AACS: variants seen among roughly 807,000 people sequenced by gnomAD.
AACS encodes the protein acetoacetate-CoA ligase.
Under a neutral mutation model 83.1 loss-of-function variants are expected in AACS, and 69 were observed. The ratio of observed to expected loss-of-function variants is 0.83; its 90% CI spans 0.68 to 1.01. AACS has a LOEUF of 1.01. Ranked by LOEUF, AACS falls within the 50% of genes least tolerant of loss-of-function variation. AACS has a pLI of 0.00. For missense variants in AACS, 866 were observed against 882.2 expected (o/e 0.98, Z 0.23); for synonymous variants, 333 against 343.4 (o/e 0.97, Z 0.33).
At chr12:125,078,822 A>G (rs1224059745) in intron 3 of AACS, among the ~76,000 whole-genome samples, 1 of 44,384 alleles carries the variant, frequency 2.3e-5, no homozygotes, top group African/African-American at 5.2e-5. Context: ...CTCCGTCTCA[A>G]AAAAAAAAAA....
At chr12:125,077,403 A>G (rs960838400) in intron 3 of AACS, among the ~76,000 whole-genome samples, 10 of 151,364 alleles carry the variant, frequency 6.6e-5, no homozygotes, top group Non-Finnish European at 1.5e-4. Flanking sequence ...CCAGCTACTC[A>G]GGAGGCTGAG....
At chr12:125,092,063 G>A (rs770192348) in intron 5 of AACS, among the ~76,000 whole-genome samples, 6 of 152,188 alleles carry the variant, frequency 3.9e-5, no homozygotes, top group Admixed American at 1.3e-4. Flanking sequence ...AGGCAGGGCC[G>A]GAAGCATGTG....
In AACS at chr12:125,142,881, A is replaced by C. The variant is rs1339699741; in HGVS notation, c.*652A>C. On this transcript the variant is annotated 3_prime_UTR_variant, in exon 18 of 18. Coordinates refer to ENST00000316519, the MANE Select transcript of AACS (RefSeq NM_023928.5). ...AGTGGATTTCATACAGGATCTCTTTATTGCACAGACTGAATGGCTTTACAT... is the reference window on the plus strand; with the variant it reads ...AGTGGATTTCATACAGGATCTCTTTCTTGCACAGACTGAATGGCTTTACAT... 6.6e-6 allele frequency: 1 copy of C among 152,472 alleles called. No homozygotes were observed. Among genetic ancestry groups the C allele is most frequent in the Non-Finnish European group, 1.5e-5 (1 of 68,258 alleles). 9.4% of individuals were successfully genotyped at this position (152,472 alleles called of 1,614,324 possible).
intron 10 of AACS, chr12:125,123,775 C>T (rs561335420): frequency 1.3e-5 from 2 of 152,360 alleles, no homozygotes; most frequent in South Asian, 4.1e-4. Flanking sequence ...AAGAGAATAA[C>T]GTTCTTTAGT....
chr12:125,073,164 G>A (rs572373192), intron 1 of AACS, among the ~76,000 whole-genome samples: 31 of 152,148 alleles, frequency 2.0e-4, no homozygotes, highest in Non-Finnish European at 2.5e-4. Flanking sequence ...TCCTGACCTG[G>A]TGATCCACCT....
chr12:125,138,411 CA>C (rs1397265628), intron 17 of AACS: 4 of 152,212 alleles, frequency 2.6e-5, no homozygotes, highest in African/African-American at 9.7e-5. Flanking sequence ...CTTCTTGAAT[CA>C]GTGACCCTTA....
intron 14 of AACS, among the ~76,000 whole-genome samples, chr12:125,133,025 C>T (rs894575415): frequency 2.6e-5 from 4 of 152,214 alleles, no homozygotes; most frequent in Non-Finnish European, 2.9e-5. Flanking sequence ...TTTCCCTTCC[C>T]GGATCGCAGG....
intron 1 of AACS, 144 bp from the exon 2 acceptor site, chr12:125,073,728 AAATT>A: frequency 1.6e-6 from 1 of 618,476 alleles, no homozygotes; most frequent in South Asian, 2.1e-5. Context: ...GCGTCAATAC[AAATT>A]AAGCTCCTTC....
chr12:125,142,477 A>G lies in AACS; in HGVS notation c.*248A>G, dbSNP rs1329646184. On this transcript the variant is annotated 3_prime_UTR_variant, in exon 18 of 18. Transcript: ENST00000316519. Reference sequence around the variant, plus strand: ...GGGCCGCAGGTGTGGCACTGTGGTGAGAGTGTGTGTCTTTGCACACACAGT... The same window carrying G: ...GGGCCGCAGGTGTGGCACTGTGGTGGGAGTGTGTGTCTTTGCACACACAGT... The G allele has an allele frequency of 1.9e-6, 1 of 532,444 alleles. No homozygotes were observed. The highest frequency in any genetic ancestry group is 3.3e-6 in the Non-Finnish European group (1 of 299,178). 33.0% of individuals were successfully genotyped at this position (532,444 alleles called of 1,614,324 possible).
intron 13 of AACS, 149 bp downstream of exon 13, chr12:125,128,423 C>T (rs1189643898): frequency 4.6e-6 from 3 of 654,638 alleles, no homozygotes; most frequent in African/African-American, 3.7e-5. Context: ...TGTCCTTTCC[C>T]TCCAGCTTGG....
At chr12:125,077,476 C>G (rs1346885370) in intron 3 of AACS, among the ~76,000 whole-genome samples, 1 of 148,970 alleles carries the variant, frequency 6.7e-6, no homozygotes, top group Non-Finnish European at 1.5e-5. Context: ...CGCCACTGCA[C>G]TCCAGGCTGG....
intron 16 of AACS, among the ~76,000 whole-genome samples, chr12:125,135,137 CTT>C (rs746998324): frequency 1.2e-4 from 17 of 144,200 alleles, no homozygotes; most frequent in Non-Finnish European, 1.1e-4. Flanking sequence ...TCTATCTACT[CTT>C]TTTTTTTTTT....
Position 125,124,691 on chromosome 12 carries a change from C to G in AACS, c.1122-14C>G, listed in dbSNP as rs202075728. The G allele has an allele frequency of 6.2e-7, 1 of 1,613,368 alleles. No individual in the cohort carries two copies. The highest frequency in any genetic ancestry group is 8.5e-7 in the Non-Finnish European group (1 of 1,179,956). On this transcript the variant is annotated splice_polypyrimidine_tract_variant and intron_variant, in intron 10 of 17. Coordinates refer to ENST00000316519, the MANE Select transcript of AACS (RefSeq NM_023928.5). ...GAAGAGTTTCTGGTGTTTTCTTTCC[C>G]GCCTGCACCCTAGCATCACTGTCCT...
rs7488585 is a variant in AACS, at chr12:125,097,652, G to T, written c.571-5027G>T. Among the ~76,000 whole-genome samples the T allele has an allele frequency of 0.95, 143,967 of 152,190 alleles. 68,138 individuals carry two copies. The highest frequency in any genetic ancestry group is 1 in the East Asian group (5,129 of 5,142). ...GAGGAAGACCCCTCCTTCCTGTCAT[G>T]ACTGTGCATCCTGAGAGCACTTCAG... On this transcript the variant is annotated intron_variant, in intron 5 of 17. Transcript: ENST00000316519. The surrounding 1 kb of genome is among the most constrained non-coding windows in gnomAD (Gnocchi z 4.3).
chr12:125,114,318 T>G, intron 8 of AACS, 159 bp from the exon 9 acceptor site: 1 of 561,574 alleles, frequency 1.8e-6, no homozygotes, highest in Non-Finnish European at 3.1e-6. Context: ...CACAGGGGAG[T>G]GGGGGGAACC....
chr12:125,091,723 C>T (rs1274457408), intron 5 of AACS, among the ~76,000 whole-genome samples, 200 bp downstream of exon 5: 1 of 152,364 alleles, frequency 6.6e-6, no homozygotes, highest in Non-Finnish European at 1.5e-5. Flanking sequence ...CTGACGTTCC[C>T]CCACTCCTCG....
intron 3 of AACS, among the ~76,000 whole-genome samples, chr12:125,082,171 A>AT (rs71092271): frequency 4.5e-4 from 60 of 131,960 alleles, no homozygotes; most frequent in African/African-American, 1.5e-3. Flanking sequence ...GCCCAGCCTG[A>AT]TTTTTTTTTT....
At chr12:125,107,372 A>G (rs1280154218) in intron 8 of AACS, 104 bp downstream of exon 8, 1 of 1,451,412 alleles carries the variant, frequency 6.9e-7, no homozygotes, top group Non-Finnish European at 9.3e-7. Context: ...ACTGCACCCC[A>G]TCCCCGGAGA....
intron 7 of AACS, among the ~76,000 whole-genome samples, chr12:125,106,127 A>G (rs1343733533): frequency 6.6e-6 from 1 of 152,200 alleles, no homozygotes; most frequent in East Asian, 1.9e-4. Context: ...TTTGTATTTC[A>G]GAGTAATTAT....
Sources: gnomAD v4.1 joint callset for allele counts (sites outside exome capture counted in the v4.1 genomes callset) on GRCh38, gnomAD v4.1.1 for gene constraint, Gnocchi (gnomAD v3.1) non-coding constraint, MANE v1.5 for transcripts, NCBI Gene and HGNC (gene_info 2026-07-23, HGNC 2026-07-21) for gene names.